The following SRGAP1 variants were observed in gnomAD, a reference collection of about 807,000 sequenced individuals.
The protein encoded by SRGAP1 is SLIT-ROBO Rho GTPase activating protein 1.
In SRGAP1, 43 loss-of-function variants were observed where a neutral mutation model predicts 121.9. The observed-to-expected ratio is 0.35, with a 90% confidence interval of 0.28 to 0.46. The LOEUF is 0.46. SRGAP1 is among the 20% of genes least tolerant of loss of function. The probability of loss-of-function intolerance (pLI) is 1.00; values close to 1 mark genes in which losing one functional copy is unlikely to be tolerated. For missense variants in SRGAP1, 1,102 were observed against 1,350.9 expected (o/e 0.82, Z 2.89); for synonymous variants, 447 against 485.4 (o/e 0.92, Z 1.04).
At chr12:64,127,758 T>C in intron 20 of SRGAP1, 34 bp downstream of exon 20, 1 of 1,610,926 alleles carries the variant, frequency 6.2e-7, no homozygotes, top group Non-Finnish European at 8.5e-7. Context: ...CCCCTAAGCC[T>C]CCGCTCCTCC....
chr12:64,016,505 T>G (rs915824440), intron 3 of SRGAP1, among the ~76,000 whole-genome samples: 3 of 152,064 alleles, frequency 2.0e-5, no homozygotes, highest in African/African-American at 7.2e-5. Context: ...AAAAAGTGCT[T>G]TCTCAAAATT....
chr12:64,142,804 C>T lies in SRGAP1; in HGVS notation c.*132C>T. ...AGATCTTTTGGCTTTTCTATGTTGT[C>T]GAATGTAATGTCTGAGACTAGCTAA... On this transcript the variant is annotated 3_prime_UTR_variant, in exon 22 of 22. Transcript: ENST00000355086. 4.0e-6 allele frequency: 5 copies of T among 1,250,112 alleles called. No homozygotes were observed. Among genetic ancestry groups the T allele is most frequent in the East Asian group, 2.5e-5 (1 of 40,234 alleles). The allele number at this position is 1,250,112 out of a possible 1,614,324, so 77.4% of individuals were successfully genotyped here.
At position 64,040,486 on chromosome 12, in the gene SRGAP1, C is replaced by T. The variant is rs546767121; in HGVS notation, c.490-2304C>T. Among the ~76,000 whole-genome samples, 133 of 152,200 alleles carry T rather than the reference C, an allele frequency of 8.7e-4. 1 individual carries two copies. The highest frequency in any genetic ancestry group is 6.8e-3 in the Middle Eastern group (2 of 294). On this transcript the variant is annotated intron_variant, in intron 4 of 21. Coordinates refer to ENST00000355086, the MANE Select transcript of SRGAP1 (RefSeq NM_020762.4). ...GGGTGCCGAGTTCGGGTGTGCTCCT[C>T]GATACATCCTTTGCATTGGAGTCAT...
chr12:64,149,665 TAGAA>T lies in SRGAP1; in HGVS notation c.*6996_*6999del, dbSNP rs999247942. On this transcript the variant is annotated 3_prime_UTR_variant, in exon 22 of 22. Transcript: ENST00000355086. Reference sequence around the variant, plus strand: ...ATATGCCTGCACCCTGTAAGAATCTTAGAAAGGCAGAGCAAGGGTGTTTGCTGGC... The same window carrying T: ...ATATGCCTGCACCCTGTAAGAATCTTAGGCAGAGCAAGGGTGTTTGCTGGC... 2 of 152,172 alleles carry T rather than the reference TAGAA, an allele frequency of 1.3e-5. No individual in the cohort carries two copies. The highest frequency in any genetic ancestry group is 2.9e-5 in the Non-Finnish European group (2 of 68,028). The allele number at this position is 152,172 out of a possible 1,614,324, so 9.4% of individuals were successfully genotyped here. A position where few individuals can be genotyped will look rare whatever the true frequency, so the allele number is the denominator to read the frequency against.
At chr12:63,970,764 G>T (rs868098429) in intron 1 of SRGAP1, among the ~76,000 whole-genome samples, 1 of 152,032 alleles carries the variant, frequency 6.6e-6, no homozygotes, top group African/African-American at 2.4e-5. Flanking sequence ...ACAAAACAAT[G>T]TTAAAAATCT....
At chr12:63,976,110 C>CT (rs1458310130) in intron 1 of SRGAP1, among the ~76,000 whole-genome samples, 1 of 152,160 alleles carries the variant, frequency 6.6e-6, no homozygotes, top group East Asian at 1.9e-4. Flanking sequence ...CATTGAGGTC[C>CT]TGCTAGACCA....
At chr12:63,872,146 TGGAAC>T (rs1265740096) in intron 1 of SRGAP1, 3 of 455,822 alleles carry the variant, frequency 6.6e-6, no homozygotes, top group African/African-American at 2.0e-5. Flanking sequence ...TTTCTTTAAA[TGGAAC>T]ATTTCGTTAT....
At chr12:63,932,435 A>G (rs963286140) in intron 1 of SRGAP1, among the ~76,000 whole-genome samples, 2 of 152,240 alleles carry the variant, frequency 1.3e-5, no homozygotes, top group Admixed American at 6.5e-5. Context: ...AAGAAATACA[A>G]TATGCAGATA....
intron 15 of SRGAP1, among the ~76,000 whole-genome samples, chr12:64,098,705 G>A (rs949410476): frequency 3.8e-4 from 57 of 151,976 alleles, no homozygotes; most frequent in African/African-American, 1.3e-3. Flanking sequence ...CTAACTCCAT[G>A]GCATGGCCAA....
rs569285715 is a variant in SRGAP1, at chr12:63,966,021, T to C, written c.68-17926T>C. ...TTTTAGTAGAGACAGGGTTTCACCA[T>C]GTTAGCCAGGCTGGTCTTGAACTCC... is the stretch of plus-strand genomic sequence containing the variant. On this transcript the variant is annotated intron_variant, in intron 1 of 21. Transcript: ENST00000355086. Among the ~76,000 whole-genome samples the C allele has an allele frequency of 2.9e-3, 437 of 152,308 alleles. 2 individuals are homozygous for C. The highest frequency in any genetic ancestry group is 5.1e-3 in the Non-Finnish European group (346 of 68,016).
chr12:64,072,087 C>T (rs986128669), intron 8 of SRGAP1, among the ~76,000 whole-genome samples: 1 of 125,768 alleles, frequency 8.0e-6, no homozygotes. Context: ...TAATTAATTA[C>T]GGAGTTGACC....
At chr12:63,891,344 T>A (rs757818294) in intron 1 of SRGAP1, among the ~76,000 whole-genome samples, 8 of 152,332 alleles carry the variant, frequency 5.3e-5, no homozygotes, top group Non-Finnish European at 8.8e-5. Flanking sequence ...CTACCCAGTC[T>A]CCTGCCTTCA....
intron 15 of SRGAP1, among the ~76,000 whole-genome samples, chr12:64,099,311 A>G (rs1332591996): frequency 1.2e-4 from 18 of 152,212 alleles, no homozygotes; most frequent in Admixed American, 1.2e-3. Flanking sequence ...GGCACAGAAT[A>G]TGCTCAATGG....
intron 16 of SRGAP1, among the ~76,000 whole-genome samples, chr12:64,110,033 C>T (rs1488515741): frequency 2.0e-5 from 3 of 152,250 alleles, no homozygotes; most frequent in South Asian, 2.1e-4. Flanking sequence ...CCCCTTTGTA[C>T]ATTAATCACC....
intron 18 of SRGAP1, among the ~76,000 whole-genome samples, chr12:64,125,527 A>C (rs2036673151): frequency 6.6e-6 from 1 of 152,128 alleles, no homozygotes; most frequent in African/African-American, 2.4e-5. Context: ...AAACTTCCTA[A>C]TGTTCTGAGA....
At chr12:64,045,773 G>A (rs540464794) in intron 6 of SRGAP1, among the ~76,000 whole-genome samples, 3 of 152,146 alleles carry the variant, frequency 2.0e-5, no homozygotes, top group Admixed American at 6.5e-5. Flanking sequence ...AAAACTCTCC[G>A]TGTATAGAAA....
chr12:64,063,240 C>G, intron 7 of SRGAP1, 102 bp downstream of exon 7: 1 of 1,076,922 alleles, frequency 9.3e-7, no homozygotes. Flanking sequence ...GTTGTTTTCT[C>G]TCTCCTGTCC....
intron 15 of SRGAP1, among the ~76,000 whole-genome samples, chr12:64,103,105 A>C (rs2136603743): frequency 2.0e-5 from 3 of 152,104 alleles, no homozygotes; most frequent in Admixed American, 2.0e-4. Flanking sequence ...TCAGCCTCCC[A>C]AGTAGCTGGG....
At chr12:64,118,262 TG>T (rs1231804808) in intron 18 of SRGAP1, among the ~76,000 whole-genome samples, 1 of 152,154 alleles carries the variant, frequency 6.6e-6, no homozygotes, top group Non-Finnish European at 1.5e-5. Context: ...CTTATCTTTT[TG>T]TTTTTGTTTT....
Sources: gnomAD v4.1 joint callset for allele counts (sites outside exome capture counted in the v4.1 genomes callset) on GRCh38, gnomAD v4.1.1 for gene constraint, MANE v1.5 for transcripts, NCBI Gene and HGNC (gene_info 2026-07-23, HGNC 2026-07-21) for gene names.